FAM186B: variants seen among roughly 807,000 people sequenced by gnomAD.
FAM186B encodes family with sequence similarity 186 member B.
Under a neutral mutation model 83.4 loss-of-function variants are expected in FAM186B, and 68 were observed. The ratio of observed to expected loss-of-function variants is 0.81; its 90% CI spans 0.67 to 1.00. The LOEUF (loss-of-function observed/expected upper bound fraction) is 1.00. Ranked by LOEUF, FAM186B falls within the 50% of genes least tolerant of loss-of-function variation. The pLI is 0.00. For missense variants in FAM186B, 983 were observed against 1,099.2 expected, an observed-to-expected ratio of 0.89 and a Z score of 1.49; for synonymous variants, 389 against 422.0, an observed-to-expected ratio of 0.92 and a Z score of 0.96.
intron 3 of FAM186B, among the ~76,000 whole-genome samples, chr12:49,602,697 A>G (rs777451750): frequency 1.3e-5 from 2 of 152,206 alleles, no homozygotes; most frequent in African/African-American, 4.8e-5. Flanking sequence ...CAATGTTCTC[A>G]TCTACAAAAT....
chr12:49,622,212 G>T, the FAM186B span, among the ~76,000 whole-genome samples: 1 of 101,136 alleles, frequency 9.9e-6, no homozygotes, highest in Non-Finnish European at 2.1e-5. Context: ...TCCTCCCCCC[G>T]CCCGCCCCCT....
intron 2 of FAM186B, 186 bp downstream of exon 2, chr12:49,604,127 G>A: frequency 1.7e-6 from 1 of 582,628 alleles, no homozygotes; most frequent in Non-Finnish European, 3.1e-6. Context: ...CATATATTCA[G>A]CTAATGTCAT....
At chr12:49,587,414 T>C (rs945043641), downstream of FAM186B, 5 of 685,496 alleles carry the variant, frequency 7.3e-6, no homozygotes, top group Admixed American at 5.3e-5. Context: ...ACCGAAGTGC[T>C]GTTGGCATGG....
At chr12:49,606,394 T>C (rs929225878), upstream of FAM186B, among the ~76,000 whole-genome samples, 37 of 148,780 alleles carry the variant, frequency 2.5e-4, no homozygotes, top group African/African-American at 8.7e-4. Context: ...ACTTGAGAGG[T>C]TGAGATGGGA....
At chr12:49,586,064 C>T (rs1410018082), downstream of FAM186B, among the ~76,000 whole-genome samples, 1 of 152,218 alleles carries the variant, frequency 6.6e-6, no homozygotes, top group Non-Finnish European at 1.5e-5. Context: ...AAGAAGACAG[C>T]ACAGCAGGCT....
the FAM186B span, among the ~76,000 whole-genome samples, chr12:49,615,618 G>A: frequency 2.1e-4 from 32 of 152,126 alleles, no homozygotes; most frequent in South Asian, 5.6e-3. Context: ...GTGAAACTCC[G>A]TCTCTACTAA....
downstream of FAM186B, chr12:49,584,591 T>G (rs1294807230): frequency 8.5e-6 from 6 of 702,276 alleles, no homozygotes; most frequent in East Asian, 1.6e-4. Flanking sequence ...TTCCTGGCAT[T>G]CCTTCCTTTG....
chr12:49,613,424 G>A, the FAM186B span, among the ~76,000 whole-genome samples: 1 of 151,952 alleles, frequency 6.6e-6, no homozygotes, highest in Non-Finnish European at 1.5e-5. Context: ...CTACTCAGGA[G>A]GCTGAGGCAG....
intron 2 of FAM186B, chr12:49,604,086 T>C: frequency 1.8e-6 from 1 of 543,650 alleles, no homozygotes; most frequent in East Asian, 2.9e-5. Flanking sequence ...AAAAATGAGA[T>C]GTCATAATGG....
At chr12:49,583,063 C>T, downstream of FAM186B, 1 of 456,262 alleles carries the variant, frequency 2.2e-6, no homozygotes, top group South Asian at 1.5e-5. Context: ...TCCTCCATCA[C>T]CAGAGCAAGT....
chr12:49,601,209 C>G, intron 3 of FAM186B, 75 bp from the exon 4 acceptor site: 1 of 1,494,332 alleles, frequency 6.7e-7, no homozygotes, highest in Non-Finnish European at 8.9e-7. Context: ...CCAAACCCTG[C>G]AGGGCCAAAA....
At chr12:49,596,539 T>C (rs1939731336) in intron 5 of FAM186B, among the ~76,000 whole-genome samples, 1 of 151,378 alleles carries the variant, frequency 6.6e-6, no homozygotes. Flanking sequence ...GTGCTCAGCA[T>C]CATTAATCAT....
chr12:49,589,850 G>A (rs149238052), intron 5 of FAM186B, among the ~76,000 whole-genome samples: 8 of 151,736 alleles, frequency 5.3e-5, no homozygotes, highest in African/African-American at 1.2e-4. Context: ...GTGTGGTGGC[G>A]TGCATCTGTA....
Position 49,603,243 on chromosome 12 carries a change from G to A in FAM186B, c.447C>T (p.Ile149=), listed in dbSNP as rs971610827. The change falls in exon 3 of 7, where the codon ATC becomes ATT. Residue 149 remains isoleucine (I), a synonymous_variant. Coordinates refer to ENST00000257894, the MANE Select transcript of FAM186B (RefSeq NM_032130.3). ...PLSLIATKRG[I]ESLTALCSTL... ...TGGAGCAAAGGGCAGTGAGTGACTC[G>A]ATGCCTCTTTTGGTGGCAATGAGGG... 15 of 1,614,056 alleles carry A rather than the reference G, an allele frequency of 9.3e-6. No homozygotes were observed. Among genetic ancestry groups the A allele is most frequent in the Admixed American group, 1.7e-5 (1 of 60,000 alleles).
chr12:49,594,720 C>T (rs1366159306), intron 5 of FAM186B, among the ~76,000 whole-genome samples: 1 of 151,994 alleles, frequency 6.6e-6, no homozygotes, highest in African/African-American at 2.4e-5. Flanking sequence ...ACTAAAAATA[C>T]AAAAATTAGC....
intron 5 of FAM186B, among the ~76,000 whole-genome samples, chr12:49,594,596 C>T (rs1447589110): frequency 2.6e-5 from 4 of 152,256 alleles, no homozygotes; most frequent in South Asian, 2.1e-4. Flanking sequence ...TTACACAGGC[C>T]GGGTGTGGTG....
At chr12:49,596,445 A>T (rs181495559) in intron 5 of FAM186B, among the ~76,000 whole-genome samples, 112 of 152,008 alleles carry the variant, frequency 7.4e-4, no homozygotes, top group Non-Finnish European at 8.8e-4. Context: ...TGGAGCAGCC[A>T]TTCTGTTGCA....
downstream of FAM186B, chr12:49,584,190 G>A (rs939985018): frequency 6.1e-6 from 2 of 327,030 alleles, no homozygotes; most frequent in East Asian, 6.2e-5. Flanking sequence ...CAGCTATCTC[G>A]GCATGTTTGC....
chr12:49,594,799 C>T (rs1404103656), intron 5 of FAM186B, among the ~76,000 whole-genome samples: 10 of 151,668 alleles, frequency 6.6e-5, no homozygotes, highest in African/African-American at 9.7e-5. Context: ...CGCCTGAACC[C>T]GGGAGGTGGA....
Sources: gnomAD v4.1 joint callset for allele counts (sites outside exome capture counted in the v4.1 genomes callset) on GRCh38, gnomAD v4.1.1 for gene constraint, MANE v1.5 for transcripts, NCBI Gene and HGNC (gene_info 2026-07-23, HGNC 2026-07-21) for gene names.